The following SRL variants were observed in gnomAD, a reference collection of about 807,000 sequenced individuals.
SRL encodes the protein sarcalumenin.
SRL carries 23 observed loss-of-function variants against 39.5 expected under a neutral mutation model. The ratio of observed to expected loss-of-function variants is 0.58; its 90% CI spans 0.42 to 0.82. The LOEUF (loss-of-function observed/expected upper bound fraction) is 0.82. Ranked by LOEUF, SRL falls within the 40% of genes least tolerant of loss-of-function variation. The probability of loss-of-function intolerance (pLI) is 0.00; values close to 1 mark genes in which losing one functional copy is unlikely to be tolerated. For missense variants in SRL, 592 were observed against 607.8 expected (o/e 0.97, Z 0.27); for synonymous variants, 272 against 237.4 (o/e 1.15, Z -1.34).
intron 1 of SRL, among the ~76,000 whole-genome samples, chr16:4,227,489 T>A (rs2141062893): frequency 6.7e-6 from 1 of 149,560 alleles, no homozygotes; most frequent in Middle Eastern, 3.6e-3. Flanking sequence ...AATGGATAGA[T>A]GAGTGGATGG....
chr16:4,197,421 CTTTTTT>C (rs71139621), intron 4 of SRL, among the ~76,000 whole-genome samples: 6 of 107,568 alleles, frequency 5.6e-5, no homozygotes. Flanking sequence ...CTTTTCTTTC[CTTTTTT>C]TTTTTTTTTT....
chr16:4,211,316 G>T (rs1449091849), intron 1 of SRL, among the ~76,000 whole-genome samples: 2 of 152,222 alleles, frequency 1.3e-5, no homozygotes, highest in South Asian at 2.1e-4. Flanking sequence ...CCACGTTGGG[G>T]GGGGTCTCCT....
At chr16:4,222,579 G>GT (rs1249467728) in intron 1 of SRL, among the ~76,000 whole-genome samples, 2 of 151,932 alleles carry the variant, frequency 1.3e-5, no homozygotes, top group African/African-American at 2.4e-5. Context: ...CGGCTTTTTT[G>GT]TTTTTTTCTT....
Position 4,190,644 on chromosome 16 carries a change from A to G in SRL, c.*1509T>C. 1 of 397,190 alleles carries G rather than the reference A, an allele frequency of 2.5e-6. No individual in the cohort carries two copies. The allele number at this position is 397,190 out of a possible 1,614,324, so 24.6% of individuals were successfully genotyped here. A position where few individuals can be genotyped will look rare whatever the true frequency, so the allele number is the denominator to read the frequency against. On this transcript the variant is annotated 3_prime_UTR_variant, in exon 6 of 6. Coordinates refer to ENST00000399609, the MANE Select transcript of SRL (RefSeq NM_001098814.2). ...GTGATCTCCCTAATCTCTCTTGGAC[A>G]ACATACACACATATTCACACTTATT...
chr16:4,217,073 A>C (rs1295988785), intron 1 of SRL, among the ~76,000 whole-genome samples: 1 of 152,118 alleles, frequency 6.6e-6, no homozygotes, highest in Non-Finnish European at 1.5e-5. Context: ...GGGAAGCTGG[A>C]GGGAATCTTC....
At chr16:4,201,079 G>T (rs1357767326) in intron 3 of SRL, among the ~76,000 whole-genome samples, 1 of 151,860 alleles carries the variant, frequency 6.6e-6, no homozygotes, top group African/African-American at 2.4e-5. Context: ...GAGACAATAT[G>T]GCAACAACTA....
intron 5 of SRL, among the ~76,000 whole-genome samples, chr16:4,193,702 G>C (rs2052097464): frequency 6.6e-6 from 1 of 152,078 alleles, no homozygotes; most frequent in South Asian, 2.1e-4. Flanking sequence ...CATACAGCTG[G>C]TGCAGAATAC....
intron 1 of SRL, among the ~76,000 whole-genome samples, chr16:4,222,405 G>A (rs2052540736): frequency 6.6e-6 from 1 of 152,188 alleles, no homozygotes; most frequent in Admixed American, 6.5e-5. Flanking sequence ...CTCCTGAGTA[G>A]CTTGGAATAC....
chr16:4,207,898 C>T (rs1176529335), intron 1 of SRL: 4 of 456,534 alleles, frequency 8.8e-6, no homozygotes, highest in Non-Finnish European at 1.8e-5. Flanking sequence ...GGATCGGGGC[C>T]CGCGCTGGCG....
chr16:4,233,584 T>C (rs2052681836), intron 1 of SRL, among the ~76,000 whole-genome samples: 1 of 152,020 alleles, frequency 6.6e-6, no homozygotes, highest in African/African-American at 2.4e-5. Flanking sequence ...TTACATTTTT[T>C]TTTCAGTGCG....
chr16:4,228,562 C>G (rs561607666), intron 1 of SRL, among the ~76,000 whole-genome samples: 1 of 151,936 alleles, frequency 6.6e-6, no homozygotes, highest in South Asian at 2.1e-4. Flanking sequence ...GGTGAAACCC[C>G]GTCTCTACTA....
chr16:4,237,187 C>T (rs949831911), intron 1 of SRL, among the ~76,000 whole-genome samples: 1 of 150,936 alleles, frequency 6.6e-6, no homozygotes, highest in South Asian at 2.1e-4. Context: ...CCTCCTGCCT[C>T]TGCCTCCGCC....
intron 1 of SRL, among the ~76,000 whole-genome samples, chr16:4,223,598 C>G: frequency 6.6e-6 from 1 of 151,090 alleles, no homozygotes; most frequent in Non-Finnish European, 1.5e-5. Context: ...GTTATCCAGG[C>G]TGGTGTCAAA....
chr16:4,193,284 C>G (rs2052093064), intron 5 of SRL, among the ~76,000 whole-genome samples: 1 of 152,154 alleles, frequency 6.6e-6, no homozygotes, highest in African/African-American at 2.4e-5. Context: ...CCTCCCACCT[C>G]AGCCTCCCAA....
chr16:4,209,896 C>T (rs1022631649), intron 1 of SRL, among the ~76,000 whole-genome samples: 3 of 152,128 alleles, frequency 2.0e-5, no homozygotes, highest in African/African-American at 4.8e-5. Context: ...CCAGAACTGC[C>T]CAGTCCCTGT....
At chr16:4,235,884 C>T (rs1394937180) in intron 1 of SRL, among the ~76,000 whole-genome samples, 2 of 152,084 alleles carry the variant, frequency 1.3e-5, no homozygotes, top group South Asian at 2.1e-4. Flanking sequence ...GTCAGGAGAT[C>T]GAAACCAGCC....
intron 5 of SRL, among the ~76,000 whole-genome samples, chr16:4,195,130 A>AC (rs138011797): frequency 0.02 from 3,089 of 152,208 alleles, 104 homozygotes; most frequent in African/African-American, 0.068. Context: ...CCTGGGCTTA[A>AC]GTGATCCACC....
intron 1 of SRL, among the ~76,000 whole-genome samples, chr16:4,208,640 T>C (rs1421508286): frequency 6.6e-6 from 1 of 152,194 alleles, no homozygotes; most frequent in African/African-American, 2.4e-5. Flanking sequence ...AAACAGGTGT[T>C]TGCAGGCCGG....
chr16:4,240,845 G>A (rs955902288), intron 1 of SRL, among the ~76,000 whole-genome samples: 3 of 152,072 alleles, frequency 2.0e-5, no homozygotes, highest in Admixed American at 6.6e-5. Context: ...CCTGACAGCC[G>A]CCTGGAATAC....
Sources: gnomAD v4.1 joint callset for allele counts (sites outside exome capture counted in the v4.1 genomes callset) on GRCh38, gnomAD v4.1.1 for gene constraint, MANE v1.5 for transcripts, NCBI Gene and HGNC (gene_info 2026-07-23, HGNC 2026-07-21) for gene names.